FAM229B: variants seen among roughly 807,000 people sequenced by gnomAD.
FAM229B encodes family with sequence similarity 229 member B.
In FAM229B, 2 loss-of-function variants were observed where a neutral mutation model predicts 6.7. The observed-to-expected ratio is 0.30, with a 90% CI of 0.12 to 0.94. FAM229B has a LOEUF of 0.94. Among genes scored for constraint, FAM229B ranks in the 40% least tolerant of loss-of-function variants. FAM229B has a pLI of 0.54. For synonymous variants in FAM229B, 29 were observed against 34.0 expected, an observed-to-expected ratio of 0.85 and a Z score of 0.51; for missense variants, 93 against 96.2, an observed-to-expected ratio of 0.97 and a Z score of 0.14.
At chr6:112,100,192 T>G (rs1357112522) in intron 3 of FAM229B, among the ~76,000 whole-genome samples, 1 of 152,176 alleles carries the variant, frequency 6.6e-6, no homozygotes, top group Non-Finnish European at 1.5e-5. Context: ...GAACTAGGTG[T>G]CATTTAAGGG....
chr6:112,102,291 C>T lies in FAM229B; in HGVS notation c.*1504C>T, dbSNP rs1478399648. On this transcript the variant is annotated 3_prime_UTR_variant, in exon 4 of 4. Coordinates refer to ENST00000368656, the MANE Select transcript of FAM229B (RefSeq NM_001033564.3). Reference sequence around the variant, plus strand: ...CTGAGGTCAGGCATTCGAAGCCAGCCTGGCCAACATGGTGAAACCCCGACT... The same window carrying T: ...CTGAGGTCAGGCATTCGAAGCCAGCTTGGCCAACATGGTGAAACCCCGACT... The T allele has an allele frequency of 2.6e-5, 4 of 152,114 alleles. No individual in the cohort carries two copies. The highest frequency in any genetic ancestry group is 9.7e-5 in the African/African-American group (4 of 41,402). The allele number at this position is 152,114 out of a possible 1,614,324, so 9.4% of individuals were successfully genotyped here. A position where few individuals can be genotyped will look rare whatever the true frequency, so the allele number is the denominator to read the frequency against.
chr6:112,100,546 T>A, intron 3 of FAM229B, 124 bp from the exon 4 acceptor site: 1 of 652,616 alleles, frequency 1.5e-6, no homozygotes, highest in Non-Finnish European at 2.7e-6. Flanking sequence ...GTACTCATTG[T>A]ATGACATTCA....
chr6:112,100,945 AG>A lies in FAM229B; in HGVS notation c.*159del, dbSNP rs1777391129. ...AGACCGACAGAAATGTAGTCAGTAA[AG>A]CACATGTAGTGATAGGCTATCAGTT... On this transcript the variant is annotated 3_prime_UTR_variant, in exon 4 of 4. Coordinates refer to ENST00000368656, the MANE Select transcript of FAM229B (RefSeq NM_001033564.3). 1 of 626,528 alleles carries A rather than the reference AG, an allele frequency of 1.6e-6. No homozygotes were observed. Among genetic ancestry groups the A allele is most frequent in the Non-Finnish European group, 2.9e-6 (1 of 349,888 alleles). The allele number at this position is 626,528 out of a possible 1,614,324, so 38.8% of individuals were successfully genotyped here. A position where few individuals can be genotyped will look rare whatever the true frequency, so the allele number is the denominator to read the frequency against.
chr6:112,092,934 A>G (rs1777276699), intron 1 of FAM229B, among the ~76,000 whole-genome samples: 1 of 152,080 alleles, frequency 6.6e-6, no homozygotes, highest in South Asian at 2.1e-4. Flanking sequence ...ATAGATTCAT[A>G]AAATATATTC....
chr6:112,089,455 G>A (rs1246827597), intron 1 of FAM229B, among the ~76,000 whole-genome samples: 1 of 152,084 alleles, frequency 6.6e-6, no homozygotes, highest in East Asian at 1.9e-4. Context: ...CAATAAAACA[G>A]GAACTTAAAG....
At chr6:112,089,836 G>A (rs1777234363) in intron 1 of FAM229B, among the ~76,000 whole-genome samples, 1 of 151,942 alleles carries the variant, frequency 6.6e-6, no homozygotes, top group East Asian at 1.9e-4. Flanking sequence ...TGTGCCCACA[G>A]CAAATGGAGG....
In FAM229B at chr6:112,099,352, G is replaced by C. The variant is rs1452664658; in HGVS notation, c.69G>C (p.Leu23=). The change falls in exon 3 of 4, where the codon CTG becomes CTC. Residue 23 remains leucine (L), a synonymous_variant. Transcript: ENST00000368656. Reference sequence around the variant, plus strand: ...AAGGAGGAGATTCTTCAATTGAGCTGGAACCTGGGCTGAGCTCCAGTGCTG... The same window carrying C: ...AAGGAGGAGATTCTTCAATTGAGCTCGAACCTGGGCTGAGCTCCAGTGCTG... ...PVEGGDSSIE[L]EPGLSSSAAC... is the part of the protein sequence containing the mutation. The C allele has an allele frequency of 3.1e-6, 5 of 1,613,976 alleles. No individual in the cohort carries two copies. Among genetic ancestry groups the C allele is most frequent in the Non-Finnish European group, 4.2e-6 (5 of 1,179,872 alleles).
In FAM229B at chr6:112,100,782, A is replaced by G; in HGVS notation, c.238A>G (p.Lys80Glu). Residue 80 changes from lysine to glutamate, a missense_variant, in exon 4 of 4, where the codon AAA becomes GAA. Transcript: ENST00000368656. ...PAQSSKEMHPK is the reference protein window; with the variant it reads ...PAQSSKEMHPE Reference sequence around the variant, plus strand: ...ACAAAGCAGCAAGGAAATGCATCCTAAATAGCACCATTAAGTCTTTTGTCA... The same window carrying G: ...ACAAAGCAGCAAGGAAATGCATCCTGAATAGCACCATTAAGTCTTTTGTCA... 1 of 1,609,688 alleles carries G rather than the reference A, an allele frequency of 6.2e-7. No individual in the cohort carries two copies. Among genetic ancestry groups the G allele is most frequent in the Non-Finnish European group, 8.5e-7 (1 of 1,175,954 alleles).
intron 1 of FAM229B, among the ~76,000 whole-genome samples, chr6:112,093,344 A>G (rs587642151): frequency 9.2e-5 from 14 of 152,236 alleles, no homozygotes; most frequent in African/African-American, 1.4e-4. Flanking sequence ...CTAAATATTT[A>G]TGCACCAAAT....
rs782647486 is a variant in FAM229B at position 112,102,068 on chromosome 6, G to A, written c.*1281G>A. 2.6e-5 allele frequency: 4 copies of A among 152,296 alleles called. No homozygotes were observed. Among genetic ancestry groups the A allele is most frequent in the Non-Finnish European group, 5.9e-5 (4 of 68,022 alleles). 9.4% of individuals were successfully genotyped at this position (152,296 alleles called of 1,614,324 possible). Reference sequence around the variant, plus strand: ...TTGAGAGACTCAAGATGATCTCTAAGTAACCTCATTTTATCTGCCAAATAA... The same window carrying A: ...TTGAGAGACTCAAGATGATCTCTAAATAACCTCATTTTATCTGCCAAATAA... On this transcript the variant is annotated 3_prime_UTR_variant, in exon 4 of 4. Transcript: ENST00000368656.
In FAM229B at chr6:112,097,159, T is replaced by C. The variant is rs932166835; in HGVS notation, c.-57T>C. On this transcript the variant is annotated 5_prime_UTR_variant, in exon 2 of 4. Coordinates refer to ENST00000368656, the MANE Select transcript of FAM229B (RefSeq NM_001033564.3). ...TCTGTGGAAAGGCCAGTAGAAAGCA[T>C]TGATTTATTCACCTCTACAGGAATC... 15 of 152,218 alleles carry C rather than the reference T, an allele frequency of 9.9e-5. No individual in the cohort carries two copies. The highest frequency in any genetic ancestry group is 2.7e-4 in the African/African-American group (11 of 41,450). 9.4% of individuals were successfully genotyped at this position (152,218 alleles called of 1,614,324 possible).
At chr6:112,098,040 T>C (rs1777349816) in intron 2 of FAM229B, among the ~76,000 whole-genome samples, 1 of 152,178 alleles carries the variant, frequency 6.6e-6, no homozygotes, top group South Asian at 2.1e-4. Context: ...GTAAAGGCCT[T>C]GAATGCTGCG....
At chr6:112,092,443 G>T (rs587706128) in intron 1 of FAM229B, among the ~76,000 whole-genome samples, 2 of 151,938 alleles carry the variant, frequency 1.3e-5, no homozygotes, top group Non-Finnish European at 2.9e-5. Flanking sequence ...ACTGCTAATT[G>T]AGAATTCTAT....
chr6:112,100,952 G>A lies in FAM229B; in HGVS notation c.*165G>A, dbSNP rs2114512439. The stretch of plus-strand genomic sequence containing the variant: ...CAGAAATGTAGTCAGTAAAGCACAT[G>A]TAGTGATAGGCTATCAGTTATGTCT... On this transcript the variant is annotated 3_prime_UTR_variant, in exon 4 of 4. Transcript: ENST00000368656. The A allele has an allele frequency of 1.7e-6, 1 of 598,662 alleles. No homozygotes were observed. The highest frequency in any genetic ancestry group is 3.0e-6 in the Non-Finnish European group (1 of 334,298). The allele number at this position is 598,662 out of a possible 1,614,324, so 37.1% of individuals were successfully genotyped here.
chr6:112,095,278 C>A (rs1269792510), intron 1 of FAM229B, among the ~76,000 whole-genome samples: 1 of 152,052 alleles, frequency 6.6e-6, no homozygotes, highest in Non-Finnish European at 1.5e-5. Flanking sequence ...GGAATTAATA[C>A]CATTTTACAG....
At chr6:112,094,752 C>T (rs1777300539) in intron 1 of FAM229B, among the ~76,000 whole-genome samples, 1 of 152,082 alleles carries the variant, frequency 6.6e-6, no homozygotes, top group African/African-American at 2.4e-5. Flanking sequence ...TAGAACATGA[C>T]AAGTTCAAAT....
chr6:112,099,685 C>T (rs1185598201), intron 3 of FAM229B, among the ~76,000 whole-genome samples: 1 of 152,162 alleles, frequency 6.6e-6, no homozygotes, highest in Non-Finnish European at 1.5e-5. Context: ...TTTGCACCAA[C>T]CTAATAGATT....
intron 1 of FAM229B, among the ~76,000 whole-genome samples, chr6:112,093,171 A>T (rs1397323327): frequency 6.6e-6 from 1 of 152,016 alleles, no homozygotes; most frequent in Non-Finnish European, 1.5e-5. Flanking sequence ...GAATATAATA[A>T]CCAAATTGGT....
chr6:112,088,721 G>A (rs1458060268), intron 1 of FAM229B, among the ~76,000 whole-genome samples: 1 of 152,152 alleles, frequency 6.6e-6, no homozygotes, highest in Non-Finnish European at 1.5e-5. Context: ...AGTGGTAGAG[G>A]TAAAGTTGGG....
Sources: allele counts gnomAD v4.1 joint callset (sites outside exome capture counted in the v4.1 genomes callset), GRCh38; gene constraint gnomAD v4.1.1; transcripts MANE v1.5; gene names NCBI Gene and HGNC (gene_info 2026-07-23, HGNC 2026-07-21).